Variants in SV2B observed in about 807,000 individuals in gnomAD.
SV2B encodes the protein solute carrier family 22 member B2.
A neutral mutation model predicts 73.9 loss-of-function variants in SV2B; 41 were observed. That is an observed-to-expected ratio of 0.56 (90% confidence interval 0.43 to 0.72). The LOEUF (loss-of-function observed/expected upper bound fraction) is 0.72, where lower values mean the gene tolerates loss of function less well. Among genes scored for constraint, SV2B ranks in the 30% least tolerant of loss-of-function variants. The pLI, the probability that SV2B is intolerant of heterozygous loss-of-function variation, is 0.00. For missense variants in SV2B, 764 were observed against 857.8 expected (o/e 0.89, Z 1.37); for synonymous variants, 314 against 314.2 (o/e 1.00, Z 0.01).
chr15:91,208,333 G>GA (rs2045721444), intron 1 of SV2B, among the ~76,000 whole-genome samples: 1 of 152,220 alleles, frequency 6.6e-6, no homozygotes, highest in East Asian at 1.9e-4. Flanking sequence ...ATCTCTCGGG[G>GA]AATCATTGCT....
Position 91,299,692 on chromosome 15 carries a change from T to A in SV2B, c.*7140T>A, listed in dbSNP as rs2141846647. ...CAGAGTCTCACTCTGTCATCTAGGCTGGAGTGCAGTGGTGCAATCTTGGCT... is the reference window on the plus strand; with the variant it reads ...CAGAGTCTCACTCTGTCATCTAGGCAGGAGTGCAGTGGTGCAATCTTGGCT... On this transcript the variant is annotated 3_prime_UTR_variant, in exon 13 of 13. Coordinates refer to ENST00000394232, the MANE Select transcript of SV2B (RefSeq NM_001323032.3). 6.6e-6 allele frequency: 1 copy of A among 152,368 alleles called. No individual in the cohort carries two copies. Among genetic ancestry groups the A allele is most frequent in the Non-Finnish European group, 1.5e-5 (1 of 68,036 alleles). The allele number at this position is 152,368 out of a possible 1,614,324, so 9.4% of individuals were successfully genotyped here.
At position 91,292,484 on chromosome 15, in the gene SV2B, G is replaced by A. The variant is rs1039333394; in HGVS notation, c.1984G>A (p.Ala662Thr). 1 of 1,614,228 alleles carries A rather than the reference G, an allele frequency of 6.2e-7. No homozygotes were observed. The highest frequency in any genetic ancestry group is 1.3e-5 in the African/African-American group (1 of 75,058). ...AGTGGTCCCCATCCTTCTGGCTGCTGCTTCTCTGGTTGGGGGTGGCCTGAT... is the reference window on the plus strand; with the variant it reads ...AGTGGTCCCCATCCTTCTGGCTGCTACTTCTCTGGTTGGGGGTGGCCTGAT... ...TKVVPILLAA[A>T]SLVGGGLIAL... Residue 662 changes from alanine to threonine, a missense_variant, in exon 13 of 13, where the codon GCT (alanine) becomes ACT (threonine). Ala to Thr is a moderately conservative substitution (Grantham distance 58, BLOSUM62 0). Transcript: ENST00000394232.
At chr15:91,166,193 T>C (rs2043905549) in intron 1 of SV2B, among the ~76,000 whole-genome samples, 1 of 152,168 alleles carries the variant, frequency 6.6e-6, no homozygotes, top group African/African-American at 2.4e-5. Flanking sequence ...AGTAGTATCC[T>C]TAGCATATTA....
rs1361091381 is a variant in SV2B, at chr15:91,214,013, C to A, written c.-391-11860C>A. On this transcript the variant is annotated intron_variant, in intron 1 of 12. Coordinates refer to ENST00000394232, the MANE Select transcript of SV2B (RefSeq NM_001323032.3). The surrounding 1 kb of genome is among the most constrained non-coding windows in gnomAD (Gnocchi z 4.7). ...AGTGTTATTGAATGGTATGTTCAAA[C>A]ACCTTTTGAAGTCATGTCAGATACC... 6.6e-6 allele frequency among the ~76,000 whole-genome samples: 1 copy of A among 152,226 alleles called. No homozygotes were observed. Among genetic ancestry groups the A allele is most frequent in the African/African-American group, 2.4e-5 (1 of 41,452 alleles).
At position 91,280,065 on chromosome 15, in the gene SV2B, T is replaced by C. The variant is rs1006125010; in HGVS notation, c.1374-1663T>C. Among the ~76,000 whole-genome samples, 3 of 152,224 alleles carry C rather than the reference T, an allele frequency of 2.0e-5. No individual in the cohort carries two copies. Among genetic ancestry groups the C allele is most frequent in the African/African-American group, 7.2e-5 (3 of 41,450 alleles). ...TGATTCTGGTTCAAGAGGTGTAGGC[T>C]GGAATTTAGGAAATGACATCTTTAA... On this transcript the variant is annotated intron_variant, in intron 9 of 12. Coordinates refer to ENST00000394232, the MANE Select transcript of SV2B (RefSeq NM_001323032.3). The surrounding 1 kb of genome is among the most constrained non-coding windows in gnomAD (Gnocchi z 5.8).
chr15:91,189,816 A>G (rs1052601971), intron 1 of SV2B, among the ~76,000 whole-genome samples: 1 of 152,172 alleles, frequency 6.6e-6, no homozygotes, highest in African/African-American at 2.4e-5. Context: ...GTGAAACACT[A>G]TCTCTACTAA....
chr15:91,221,243 G>T (rs2046201841), intron 1 of SV2B, among the ~76,000 whole-genome samples: 1 of 152,092 alleles, frequency 6.6e-6, no homozygotes, highest in Non-Finnish European at 1.5e-5. Flanking sequence ...ACACTGTGCT[G>T]AGCACTCTTC....
chr15:91,266,270 T>G (rs2048097069), intron 6 of SV2B, among the ~76,000 whole-genome samples: 1 of 152,238 alleles, frequency 6.6e-6, no homozygotes, highest in Non-Finnish European at 1.5e-5. Context: ...CGTTGTCCAC[T>G]TTCCAGGGAC....
At chr15:91,259,447 G>A (rs1467093128) in intron 5 of SV2B, among the ~76,000 whole-genome samples, 1 of 152,184 alleles carries the variant, frequency 6.6e-6, no homozygotes, top group Non-Finnish European at 1.5e-5. Flanking sequence ...CATGTCCAAT[G>A]TCCGTGTTCA....
In SV2B at chr15:91,288,344, G is replaced by A. The variant is rs539821916; in HGVS notation, c.1709-1177G>A. On this transcript the variant is annotated intron_variant, in intron 11 of 12. Transcript: ENST00000394232. This position sits in a 1 kb window ranked among gnomAD's most constrained non-coding sequence, Gnocchi z 5.8. ...TATTTTCATGCATATATACGATGTG[G>A]AATGATTAAGTCAAGCTAATTAACA... is the stretch of plus-strand genomic sequence containing the variant. Among the ~76,000 whole-genome samples, 3 of 152,098 alleles carry A rather than the reference G, an allele frequency of 2.0e-5. No individual in the cohort carries two copies. The highest frequency in any genetic ancestry group is 4.4e-5 in the Non-Finnish European group (3 of 68,028).
In SV2B at chr15:91,223,539, A is replaced by C. The variant is rs1176927290; in HGVS notation, c.-391-2334A>C. 2.0e-5 allele frequency among the ~76,000 whole-genome samples: 3 copies of C among 152,286 alleles called. No homozygotes were observed. The East Asian group carries it at 5.8e-4, about 29-fold the overall frequency. On this transcript the variant is annotated intron_variant, in intron 1 of 12. Coordinates refer to ENST00000394232, the MANE Select transcript of SV2B (RefSeq NM_001323032.3). The surrounding 1 kb of genome is among the most constrained non-coding windows in gnomAD (Gnocchi z 4.6). The stretch of plus-strand genomic sequence containing the variant: ...CAAGTGCTTTTGGAATTGCAAGTCT[A>C]TCATTTCTGGTTCACGACGTTGTTA...
chr15:91,285,963 G>T (rs1363105864), intron 11 of SV2B, among the ~76,000 whole-genome samples: 1 of 152,154 alleles, frequency 6.6e-6, no homozygotes, highest in Admixed American at 6.5e-5. Context: ...TCGTATCATC[G>T]TGAATACATC....
rs1227209660 is a variant in SV2B, at chr15:91,231,125, A to C, written c.451+4411A>C. On this transcript the variant is annotated intron_variant, in intron 2 of 12. Transcript: ENST00000394232. This position sits in a 1 kb window ranked among gnomAD's most constrained non-coding sequence, Gnocchi z 4.5. ...GCATTTTCTGGGTATGTAAAAAAAA[A>C]ATCACCCGAAGAAATGATTAAACTT... 6.6e-6 allele frequency among the ~76,000 whole-genome samples: 1 copy of C among 152,138 alleles called. No individual in the cohort carries two copies. Among genetic ancestry groups the C allele is most frequent in the African/African-American group, 2.4e-5 (1 of 41,432 alleles).
In SV2B at chr15:91,281,697, G is replaced by A. The variant is rs776436328; in HGVS notation, c.1374-31G>A. 1.3e-6 allele frequency: 2 copies of A among 1,526,694 alleles called. No homozygotes were observed. The highest frequency in any genetic ancestry group is 1.8e-6 in the Non-Finnish European group (2 of 1,129,708). 94.6% of individuals were successfully genotyped at this position (1,526,694 alleles called of 1,614,324 possible). ...TCTTAAGTCTCTTTTTTTCTCAGAT[G>A]AATCACTCAAGGGTCAACCTCTTCC... On this transcript the variant is annotated intron_variant, in intron 9 of 12. Coordinates refer to ENST00000394232, the MANE Select transcript of SV2B (RefSeq NM_001323032.3). The surrounding 1 kb of genome is among the most constrained non-coding windows in gnomAD (Gnocchi z 4.7).
rs187215034 is a variant in SV2B at position 91,297,760 on chromosome 15, T to G, written c.*5208T>G. The stretch of plus-strand genomic sequence containing the variant: ...TTTCCTAGAGCTCCGAGACAACTAG[T>G]GGTAGTGCAACAGTAACCCAAAAAT... On this transcript the variant is annotated 3_prime_UTR_variant, in exon 13 of 13. Transcript: ENST00000394232. The surrounding 1 kb of genome is among the most constrained non-coding windows in gnomAD (Gnocchi z 5.1). 34 of 152,214 alleles carry G rather than the reference T, an allele frequency of 2.2e-4. No individual in the cohort carries two copies. The highest frequency in any genetic ancestry group is 8.2e-4 in the African/African-American group (34 of 41,526). The allele number at this position is 152,214 out of a possible 1,614,324, so 9.4% of individuals were successfully genotyped here.
At position 91,214,810 on chromosome 15, in the gene SV2B, A is replaced by G. The variant is rs1393280276; in HGVS notation, c.-391-11063A>G. 6.6e-6 allele frequency among the ~76,000 whole-genome samples: 1 copy of G among 152,190 alleles called. No individual in the cohort carries two copies. Among genetic ancestry groups the G allele is most frequent in the Non-Finnish European group, 1.5e-5 (1 of 68,030 alleles). On this transcript the variant is annotated intron_variant, in intron 1 of 12. Transcript: ENST00000394232. The surrounding 1 kb of genome is among the most constrained non-coding windows in gnomAD (Gnocchi z 4.7). Reference sequence around the variant, plus strand: ...GGGGGTGTGCTTGACTCCTTAGTCCATGGCTATAGCCACAGTGGTTCTCCT... The same window carrying G: ...GGGGGTGTGCTTGACTCCTTAGTCCGTGGCTATAGCCACAGTGGTTCTCCT...
At position 91,284,270 on chromosome 15, in the gene SV2B, G is replaced by A. The variant is rs371468420; in HGVS notation, c.1708+49G>A. 114 of 1,592,652 alleles carry A rather than the reference G, an allele frequency of 7.2e-5. No individual in the cohort carries two copies. The highest frequency in any genetic ancestry group is 9.5e-5 in the Non-Finnish European group (110 of 1,161,990). ...CTGGGTTCCAACGCGCTGGGGTGGT[G>A]ACTTTCAAGTGTATTAAACAGGGAA... On this transcript the variant is annotated intron_variant, in intron 11 of 12. Transcript: ENST00000394232. This position sits in a 1 kb window ranked among gnomAD's most constrained non-coding sequence, Gnocchi z 4.5.
At position 91,299,254 on chromosome 15, in the gene SV2B, T is replaced by C. The variant is rs1468111883; in HGVS notation, c.*6702T>C. 2 of 152,168 alleles carry C rather than the reference T, an allele frequency of 1.3e-5. No individual in the cohort carries two copies. The highest frequency in any genetic ancestry group is 4.8e-5 in the African/African-American group (2 of 41,436). 9.4% of individuals were successfully genotyped at this position (152,168 alleles called of 1,614,324 possible). A position where few individuals can be genotyped will look rare whatever the true frequency, so the allele number is the denominator to read the frequency against. On this transcript the variant is annotated 3_prime_UTR_variant, in exon 13 of 13. Coordinates refer to ENST00000394232, the MANE Select transcript of SV2B (RefSeq NM_001323032.3). ...ATAAAAATACTTACAAACATAACTATAAGCAATTGATGAGCAAATTACAAA... is the reference window on the plus strand; with the variant it reads ...ATAAAAATACTTACAAACATAACTACAAGCAATTGATGAGCAAATTACAAA...
At position 91,250,320 on chromosome 15, in the gene SV2B, C is replaced by T. The variant is rs528997597; in HGVS notation, c.452-1499C>T. Among the ~76,000 whole-genome samples, 14 of 152,226 alleles carry T rather than the reference C, an allele frequency of 9.2e-5. No individual in the cohort carries two copies. The East Asian group carries it at 1.2e-3, about 13-fold the overall frequency. Reference sequence around the variant, plus strand: ...CATTTGACAAAATTCAGCATCCTTTCGTGATAAAAATTCTCAACAAATTAG... The same window carrying T: ...CATTTGACAAAATTCAGCATCCTTTTGTGATAAAAATTCTCAACAAATTAG... On this transcript the variant is annotated intron_variant, in intron 2 of 12. Coordinates refer to ENST00000394232, the MANE Select transcript of SV2B (RefSeq NM_001323032.3).
Sources: allele counts gnomAD v4.1 joint callset (sites outside exome capture counted in the v4.1 genomes callset), GRCh38; gene constraint gnomAD v4.1.1; non-coding constraint Gnocchi (gnomAD v3.1); transcripts MANE v1.5; gene names NCBI Gene and HGNC (gene_info 2026-07-23, HGNC 2026-07-21).